Variants in SORCS2 observed in about 807,000 individuals in gnomAD.
The protein encoded by SORCS2 is sortilin related VPS10 domain containing receptor 2, also known as VPS10 domain-containing receptor SorCS2.
SORCS2 carries 100 observed loss-of-function variants against 141.6 expected under a neutral mutation model. That is an observed-to-expected ratio of 0.71 (90% CI 0.60 to 0.83). The LOEUF (loss-of-function observed/expected upper bound fraction) is 0.83. Ranked by LOEUF, SORCS2 falls within the 40% of genes least tolerant of loss-of-function variation. The pLI, the probability that SORCS2 is intolerant of heterozygous loss-of-function variation, is 0.00. For synonymous variants in SORCS2, 789 were observed against 676.9 expected (o/e 1.17, Z -2.57); for missense variants, 1,646 against 1,560.2 (o/e 1.05, Z -0.93).
rs1726323109 is a variant in SORCS2 at position 7,718,134 on chromosome 4, T to C, written c.2375T>C (p.Val792Ala). ...CAGGTCAGCATTCAAGGCGAGGCGG[T>C]GGCCGTGCGGCCTGGAGAGGACGTC... is the stretch of plus-strand genomic sequence containing the variant. Reference protein sequence around the residue: ...GLQVSIQGEAVAVRPGEDVLF... With the variant: ...GLQVSIQGEAAAVRPGEDVLF... Residue 792 changes from valine to alanine, a missense_variant, in exon 18 of 27, where the codon GTG becomes GCG. Transcript: ENST00000507866. 1 of 1,611,936 alleles carries C rather than the reference T, an allele frequency of 6.2e-7. No homozygotes were observed. Among genetic ancestry groups the C allele is most frequent in the Non-Finnish European group, 8.5e-7 (1 of 1,179,316 alleles).
chr4:7,318,144 C>T (rs779185993), intron 1 of SORCS2, among the ~76,000 whole-genome samples: 1 of 152,168 alleles, frequency 6.6e-6, no homozygotes, highest in Non-Finnish European at 1.5e-5. Flanking sequence ...GGCCATTTTG[C>T]ATATATACTT....
At position 7,364,866 on chromosome 4, in the gene SORCS2, G is replaced by C. The variant is rs1465209991; in HGVS notation, c.481-31422G>C. Among the ~76,000 whole-genome samples, 2 of 152,312 alleles carry C rather than the reference G, an allele frequency of 1.3e-5. 1 individual carries two copies. Among genetic ancestry groups the C allele is most frequent in the South Asian group, 4.1e-4 (2 of 4,824 alleles). On this transcript the variant is annotated intron_variant, in intron 1 of 26. Coordinates refer to ENST00000507866, the MANE Select transcript of SORCS2 (RefSeq NM_020777.3). The stretch of plus-strand genomic sequence containing the variant: ...CCTGTGTTCAAAAAGCATTCATAAC[G>C]GGGGCACTTGAGCTCTTGCATGTGG...
intron 3 of SORCS2, among the ~76,000 whole-genome samples, chr4:7,621,800 C>A (rs142033234): frequency 6.6e-6 from 1 of 152,206 alleles, no homozygotes; most frequent in South Asian, 2.1e-4. Flanking sequence ...CTGAGACAGG[C>A]GACCTCTGGG....
At chr4:7,599,785 G>A (rs1476854366) in intron 3 of SORCS2, among the ~76,000 whole-genome samples, 1 of 151,866 alleles carries the variant, frequency 6.6e-6, no homozygotes, top group Non-Finnish European at 1.5e-5. Flanking sequence ...TTGCCCTAGA[G>A]CTTCATCCTA....
At chr4:7,259,282 T>G (rs1222009963) in intron 1 of SORCS2, among the ~76,000 whole-genome samples, 3 of 152,206 alleles carry the variant, frequency 2.0e-5, no homozygotes, top group Non-Finnish European at 4.4e-5. Flanking sequence ...TCATCCTCAT[T>G]TTACAGACGT....
At chr4:7,585,186 G>A (rs572199135) in intron 3 of SORCS2, among the ~76,000 whole-genome samples, 1 of 152,344 alleles carries the variant, frequency 6.6e-6, no homozygotes, top group South Asian at 2.1e-4. Context: ...TGGGGAATGG[G>A]CAGGATGGTC....
intron 1 of SORCS2, among the ~76,000 whole-genome samples, chr4:7,367,877 A>C (rs1010703540): frequency 1.3e-5 from 2 of 152,212 alleles, no homozygotes; most frequent in Non-Finnish European, 2.9e-5. Flanking sequence ...CCAGCTCAGG[A>C]GCACAGGCGG....
chr4:7,719,297 A>C (rs917842948), intron 18 of SORCS2, among the ~76,000 whole-genome samples: 6 of 152,264 alleles, frequency 3.9e-5, no homozygotes, highest in Non-Finnish European at 8.8e-5. Context: ...GACGACGCAG[A>C]GCAGTGCTTG....
At chr4:7,737,328 T>C in intron 26 of SORCS2, 156 bp downstream of exon 26, 1 of 994,562 alleles carries the variant, frequency 1.0e-6, no homozygotes, top group Non-Finnish European at 1.4e-6. Context: ...GGGCCCACTG[T>C]GTCCCCTCCA....
chr4:7,473,790 G>A (rs1437224545), intron 2 of SORCS2, among the ~76,000 whole-genome samples: 1 of 152,154 alleles, frequency 6.6e-6, no homozygotes, highest in East Asian at 1.9e-4. Flanking sequence ...GGTCACCAGG[G>A]ACCCGGAGGC....
rs1715740372 is a variant in SORCS2 at position 7,576,195 on chromosome 4, C to T, written c.648+44566C>T. Among the ~76,000 whole-genome samples, 3 of 152,206 alleles carry T rather than the reference C, an allele frequency of 2.0e-5. No homozygotes were observed. The South Asian group carries it at 6.2e-4, about 32-fold the overall frequency. On this transcript the variant is annotated intron_variant, in intron 3 of 26. Transcript: ENST00000507866. ...CTCCTTCTGACCAAAGCCATGTGCTCAGCTGAATTGCTGTTCCAGCAAAGA... is the reference window on the plus strand; with the variant it reads ...CTCCTTCTGACCAAAGCCATGTGCTTAGCTGAATTGCTGTTCCAGCAAAGA...
intron 9 of SORCS2, 46 bp downstream of exon 9, chr4:7,676,275 C>T (rs1386476336): frequency 2.0e-6 from 3 of 1,531,410 alleles, no homozygotes; most frequent in South Asian, 1.2e-5. Flanking sequence ...CGACCCCCTG[C>T]CCTCTGCCCT....
At chr4:7,340,830 C>T (rs147869367) in intron 1 of SORCS2, among the ~76,000 whole-genome samples, 19 of 152,356 alleles carry the variant, frequency 1.2e-4, no homozygotes, top group Non-Finnish European at 2.2e-4. Context: ...AAATAAGACG[C>T]ACAAGCCAAA....
intron 2 of SORCS2, among the ~76,000 whole-genome samples, chr4:7,454,830 G>C (rs1728765363): frequency 7.9e-6 from 1 of 126,592 alleles, no homozygotes; most frequent in African/African-American, 3.1e-5. Context: ...TTGGGGTCTG[G>C]TGCTGTGTGT....
intron 1 of SORCS2, among the ~76,000 whole-genome samples, chr4:7,343,149 C>T (rs534789917): frequency 2.0e-4 from 31 of 152,328 alleles, no homozygotes; most frequent in African/African-American, 7.2e-4. Context: ...AGGTCCTGGT[C>T]CTCCTGTCTG....
chr4:7,448,388 T>TTCC lies in SORCS2; in HGVS notation c.548+52037_548+52039dup, dbSNP rs1728142834. 2.6e-5 allele frequency among the ~76,000 whole-genome samples: 4 copies of TTCC among 151,858 alleles called. No individual in the cohort carries two copies. In the South Asian group the frequency reaches 8.3e-4, roughly 32 times the overall value. ...CAAGGAAGGGTTTTGCCTGCCTGTC[T>TTCC]TCCTCCCTTCCTTCCTCTTCATTCC... is the stretch of plus-strand genomic sequence containing the variant. On this transcript the variant is annotated intron_variant, in intron 2 of 26. Coordinates refer to ENST00000507866, the MANE Select transcript of SORCS2 (RefSeq NM_020777.3).
At chr4:7,553,959 T>C (rs1713915763) in intron 3 of SORCS2, among the ~76,000 whole-genome samples, 1 of 152,070 alleles carries the variant, frequency 6.6e-6, no homozygotes, top group African/African-American at 2.4e-5. Flanking sequence ...TAAATCCAAT[T>C]AGGAGGTTCA....
intron 1 of SORCS2, among the ~76,000 whole-genome samples, chr4:7,327,686 G>A (rs1392889493): frequency 6.6e-6 from 1 of 152,172 alleles, no homozygotes; most frequent in Non-Finnish European, 1.5e-5. Flanking sequence ...GACGTCTCTT[G>A]TCTCTTGTGC....
intron 2 of SORCS2, among the ~76,000 whole-genome samples, chr4:7,400,129 C>A (rs1724476871): frequency 1.3e-5 from 2 of 152,078 alleles, no homozygotes; most frequent in African/African-American, 4.8e-5. Context: ...AAGCCATACC[C>A]CCTGCAAAAA....
Sources: allele counts gnomAD v4.1 joint callset (sites outside exome capture counted in the v4.1 genomes callset), GRCh38; gene constraint gnomAD v4.1.1; transcripts MANE v1.5; gene names NCBI Gene and HGNC (gene_info 2026-07-23, HGNC 2026-07-21).